The following ASIC2 variants were observed in gnomAD, a reference collection of about 807,000 sequenced individuals.
The protein encoded by ASIC2 is acid-sensing ion channel 2.
In ASIC2, 25 loss-of-function variants were observed where a neutral mutation model predicts 57.3. The observed-to-expected ratio is 0.44, with a 90% CI of 0.32 to 0.61. The LOEUF is 0.61. Among genes scored for constraint, ASIC2 ranks in the 20% least tolerant of loss-of-function variants. The probability of loss-of-function intolerance (pLI) is 0.06; values close to 1 mark genes in which losing one functional copy is unlikely to be tolerated. For missense variants in ASIC2, 641 were observed against 738.1 expected (o/e 0.87, Z 1.52); for synonymous variants, 319 against 307.5 (o/e 1.04, Z -0.39).
rs557381633 is a variant in ASIC2 at position 33,429,371 on chromosome 17, T to TTTTTG, written c.556-317309_556-317305dup. On this transcript the variant is annotated intron_variant, in intron 1 of 9. Transcript: ENST00000359872. Reference sequence around the variant, plus strand: ...AAGTACCTTGTTCAGCCTAGGTAGTTTTTTGTTTTGTTTTGTTTTGTCTTT... The same window carrying TTTTTG: ...AAGTACCTTGTTCAGCCTAGGTAGTTTTTTGTTTTGTTTTGTTTTGTTTTGTCTTT... Among the ~76,000 whole-genome samples, 28 of 152,046 alleles carry TTTTTG rather than the reference T, an allele frequency of 1.8e-4. No homozygotes were observed. In the South Asian group the frequency reaches 3.3e-3, roughly 18 times the overall value.
chr17:33,161,840 A>G (rs749583654), intron 1 of ASIC2, among the ~76,000 whole-genome samples: 3 of 150,746 alleles, frequency 2.0e-5, no homozygotes, highest in Admixed American at 1.3e-4. Flanking sequence ...AATAAGTAAT[A>G]AAGCCAGAAT....
intron 1 of ASIC2, among the ~76,000 whole-genome samples, chr17:33,870,618 G>A (rs1914379658): frequency 6.6e-6 from 1 of 152,068 alleles, no homozygotes; most frequent in African/African-American, 2.4e-5. Flanking sequence ...GTTGGGATGA[G>A]TGGGTGGGTG....
At chr17:33,299,559 G>T (rs916858418) in intron 1 of ASIC2, among the ~76,000 whole-genome samples, 1 of 150,438 alleles carries the variant, frequency 6.6e-6, no homozygotes, top group Non-Finnish European at 1.5e-5. Flanking sequence ...GTACACGCTT[G>T]GCCTCACCTA....
intron 1 of ASIC2, among the ~76,000 whole-genome samples, chr17:33,749,227 G>T (rs1053458385): frequency 6.6e-6 from 1 of 151,750 alleles, no homozygotes; most frequent in Non-Finnish European, 1.5e-5. Context: ...CATGCTTCAG[G>T]ACCCTTTCCC....
At chr17:34,099,382 GAGAA>G (rs1237255423) in intron 1 of ASIC2, among the ~76,000 whole-genome samples, 4 of 132,152 alleles carry the variant, frequency 3.0e-5, no homozygotes, top group Non-Finnish European at 6.3e-5. Flanking sequence ...AAAGAAAAAA[GAGAA>G]AGAGGAAAAA....
At chr17:33,865,330 C>G (rs1248104402) in intron 1 of ASIC2, among the ~76,000 whole-genome samples, 1 of 152,212 alleles carries the variant, frequency 6.6e-6, no homozygotes, top group Admixed American at 6.5e-5. Flanking sequence ...AGAATTACGA[C>G]CCTGTTTCCT....
chr17:33,924,673 T>C (rs1420034088), intron 1 of ASIC2, among the ~76,000 whole-genome samples: 2 of 152,208 alleles, frequency 1.3e-5, no homozygotes, highest in African/African-American at 2.4e-5. Context: ...TGGGAATTTT[T>C]GATTTAATCC....
intron 1 of ASIC2, among the ~76,000 whole-genome samples, chr17:33,521,926 C>T (rs1021160723): frequency 1.3e-5 from 2 of 152,112 alleles, no homozygotes; most frequent in Admixed American, 6.5e-5. Context: ...GGCACCTAGG[C>T]GGGCAGGGAG....
chr17:33,469,483 A>G (rs1009520242), intron 1 of ASIC2, among the ~76,000 whole-genome samples: 1 of 152,150 alleles, frequency 6.6e-6, no homozygotes, highest in African/African-American at 2.4e-5. Flanking sequence ...TTACTCCTAA[A>G]GCTGCAGGAA....
intron 1 of ASIC2, among the ~76,000 whole-genome samples, chr17:33,234,800 C>A (rs564281660): frequency 6.6e-6 from 1 of 152,296 alleles, no homozygotes; most frequent in Admixed American, 6.5e-5. Flanking sequence ...CTCCACCCCA[C>A]GACCTAATCA....
chr17:33,249,521 C>T lies in ASIC2; in HGVS notation c.708+41887G>A, dbSNP rs149120789. On this transcript the variant is annotated intron_variant, in intron 1 of 9. Coordinates refer to ENST00000225823, the MANE Select transcript of ASIC2 (RefSeq NM_183377.2). ...GGAGGTTGGGGAGAAGAGGAGTCTCCGCAGGAGTGAGCCCTGAGACAAAAG... is the reference window on the plus strand; with the variant it reads ...GGAGGTTGGGGAGAAGAGGAGTCTCTGCAGGAGTGAGCCCTGAGACAAAAG... Among the ~76,000 whole-genome samples the T allele has an allele frequency of 1.3e-3, 205 of 152,254 alleles. 2 individuals are homozygous for T. Among genetic ancestry groups the T allele is most frequent in the African/African-American group, 4.6e-3 (191 of 41,542 alleles).
At chr17:33,662,620 C>T (rs1186464794) in intron 1 of ASIC2, among the ~76,000 whole-genome samples, 2 of 121,850 alleles carry the variant, frequency 1.6e-5, no homozygotes, top group Non-Finnish European at 3.3e-5. Context: ...AAGACTCTGT[C>T]TCAAAAATAA....
chr17:33,076,008 C>T (rs2141954154), intron 3 of ASIC2, among the ~76,000 whole-genome samples: 1 of 152,274 alleles, frequency 6.6e-6, no homozygotes, highest in Non-Finnish European at 1.5e-5. Flanking sequence ...TTAATTGAAT[C>T]TCATCTAATC....
chr17:33,468,048 A>T (rs771165258), intron 1 of ASIC2, among the ~76,000 whole-genome samples: 8 of 152,242 alleles, frequency 5.3e-5, no homozygotes, highest in South Asian at 4.1e-4. Context: ...CAGGACTAAG[A>T]TGCTCAGACC....
intron 3 of ASIC2, among the ~76,000 whole-genome samples, chr17:33,031,072 C>T (rs373541049): frequency 7.9e-5 from 12 of 152,092 alleles, no homozygotes; most frequent in East Asian, 5.8e-4. Context: ...TGAATTTGTA[C>T]GGACTTGGTA....
chr17:33,581,446 C>T (rs1904437971), intron 1 of ASIC2: 1 of 152,200 alleles, frequency 6.6e-6, no homozygotes, highest in South Asian at 2.1e-4. Flanking sequence ...AAGGCTGTTA[C>T]TGGAAGGAGG....
At chr17:33,937,353 C>A (rs1916090086) in intron 1 of ASIC2, among the ~76,000 whole-genome samples, 1 of 152,110 alleles carries the variant, frequency 6.6e-6, no homozygotes, top group South Asian at 2.1e-4. Flanking sequence ...CCCACCTCGG[C>A]CTCCCAAAGT....
At chr17:33,703,632 T>C (rs1382214336) in intron 1 of ASIC2, among the ~76,000 whole-genome samples, 1 of 152,158 alleles carries the variant, frequency 6.6e-6, no homozygotes, top group Non-Finnish European at 1.5e-5. Flanking sequence ...GGATTACAGG[T>C]GTCAGCCACC....
intron 1 of ASIC2, among the ~76,000 whole-genome samples, chr17:33,617,268 C>T (rs1905636871): frequency 6.6e-6 from 1 of 152,050 alleles, no homozygotes; most frequent in South Asian, 2.1e-4. Context: ...ACCTAAATGC[C>T]CATCAGTGAA....
Sources: allele counts gnomAD v4.1 joint callset (sites outside exome capture counted in the v4.1 genomes callset), GRCh38; gene constraint gnomAD v4.1.1; transcripts MANE v1.5; gene names NCBI Gene and HGNC (gene_info 2026-07-23, HGNC 2026-07-21).